CLASP1: variants seen among roughly 807,000 people sequenced by gnomAD.
The protein encoded by CLASP1 is CLIP-associating protein 1.
In CLASP1, 38 loss-of-function variants were observed where a neutral mutation model predicts 192.3. The observed-to-expected ratio is 0.20, with a 90% CI of 0.15 to 0.26. CLASP1 has a LOEUF of 0.26. Among genes scored for constraint, CLASP1 ranks in the 10% least tolerant of loss-of-function variants. The probability of loss-of-function intolerance (pLI) is 1.00; values close to 1 mark genes in which losing one functional copy is unlikely to be tolerated. For missense variants in CLASP1, 1,433 were observed against 1,932.5 expected (o/e 0.74, Z 4.85); for synonymous variants, 691 against 712.8 (o/e 0.97, Z 0.49).
intron 30 of CLASP1, among the ~76,000 whole-genome samples, chr2:121,396,346 G>A (rs530489299): frequency 6.6e-6 from 1 of 152,308 alleles, no homozygotes; most frequent in East Asian, 1.9e-4. Context: ...CTGAAAACAA[G>A]TGTTGAAGCT....
At chr2:121,345,401 T>C (rs1363231031) in intron 39 of CLASP1, among the ~76,000 whole-genome samples, 2 of 152,196 alleles carry the variant, frequency 1.3e-5, no homozygotes, top group Non-Finnish European at 2.9e-5. Flanking sequence ...AATGAGTTGA[T>C]GGGACAACTC....
exon 40 of CLASP1, chr2:121,339,131 C>CACA (rs1330342670): frequency 1.2e-3 from 179 of 143,660 alleles, no homozygotes; most frequent in African/African-American, 4.1e-3. Context: ...ACACACAACA[C>CACA]CACACACACA....
intron 8 of CLASP1, among the ~76,000 whole-genome samples, chr2:121,494,669 T>C (rs2093453603): frequency 6.6e-6 from 1 of 152,210 alleles, no homozygotes; most frequent in African/African-American, 2.4e-5. Flanking sequence ...TTGATGTGAC[T>C]GTTATGCAAA....
chr2:121,400,665 T>C (rs2076033634), intron 28 of CLASP1, among the ~76,000 whole-genome samples: 1 of 152,236 alleles, frequency 6.6e-6, no homozygotes, highest in African/African-American at 2.4e-5. Context: ...ACTGTCTGTT[T>C]CTCACTGATA....
chr2:121,488,711 A>G (rs1174574798), intron 8 of CLASP1, among the ~76,000 whole-genome samples: 1 of 152,152 alleles, frequency 6.6e-6, no homozygotes, highest in Non-Finnish European at 1.5e-5. Flanking sequence ...ACACTAAAGT[A>G]CTCTACACAC....
At chr2:121,615,314 G>T (rs960124996) in intron 1 of CLASP1, among the ~76,000 whole-genome samples, 1 of 152,006 alleles carries the variant, frequency 6.6e-6, no homozygotes, top group African/African-American at 2.4e-5. Context: ...ACTCCAGCTT[G>T]CGCGTCAGGA....
At chr2:121,553,336 C>A (rs1329391735) in intron 2 of CLASP1, among the ~76,000 whole-genome samples, 3 of 151,930 alleles carry the variant, frequency 2.0e-5, no homozygotes, top group Admixed American at 6.6e-5. Flanking sequence ...TACCCTGGAA[C>A]CTAAAATAAA....
chr2:121,441,421 T>C (rs2083319476), intron 19 of CLASP1, among the ~76,000 whole-genome samples: 1 of 152,130 alleles, frequency 6.6e-6, no homozygotes, highest in Non-Finnish European at 1.5e-5. Flanking sequence ...CCTACAACTA[T>C]TCTCCCCAAA....
intron 26 of CLASP1, chr2:121,403,381 G>A (rs1184543554): frequency 2.2e-6 from 1 of 456,574 alleles, no homozygotes; most frequent in East Asian, 7.0e-5. Flanking sequence ...TGGGTGGATG[G>A]ATGTTTGATA....
At chr2:121,633,303 A>C (rs1478506378) in intron 1 of CLASP1, among the ~76,000 whole-genome samples, 1 of 152,150 alleles carries the variant, frequency 6.6e-6, no homozygotes, top group Non-Finnish European at 1.5e-5. Flanking sequence ...TATCCCCCAG[A>C]TACCTTCTTA....
chr2:121,388,158 C>T, intron 30 of CLASP1: 1 of 322,862 alleles, frequency 3.1e-6, no homozygotes, highest in East Asian at 6.1e-5. Flanking sequence ...TAATAAATTC[C>T]TAGAACTTTT....
chr2:121,480,630 T>A (rs2092517056), intron 8 of CLASP1, among the ~76,000 whole-genome samples: 1 of 152,150 alleles, frequency 6.6e-6, no homozygotes, highest in African/African-American at 2.4e-5. Flanking sequence ...AGGCTTCTGT[T>A]TCCCTGTGTG....
At chr2:121,511,150 GT>G (rs1453956584) in intron 7 of CLASP1, among the ~76,000 whole-genome samples, 1 of 152,178 alleles carries the variant, frequency 6.6e-6, no homozygotes, top group East Asian at 1.9e-4. Flanking sequence ...TAAGAAAAAG[GT>G]AATCATAGTT....
intron 2 of CLASP1, among the ~76,000 whole-genome samples, chr2:121,578,372 T>C (rs937397009): frequency 7.4e-6 from 1 of 134,492 alleles, no homozygotes; most frequent in Non-Finnish European, 1.5e-5. Flanking sequence ...TAGTGAGATA[T>C]GATTACACCA....
intron 6 of CLASP1, among the ~76,000 whole-genome samples, chr2:121,517,396 T>A (rs114341762): frequency 0.013 from 2,054 of 152,316 alleles, 43 homozygotes; most frequent in African/African-American, 0.04. Context: ...CAGTGTTACA[T>A]GACAGGTAAC....
At chr2:121,449,859 C>T (rs1416143319) in intron 16 of CLASP1, among the ~76,000 whole-genome samples, 3 of 151,996 alleles carry the variant, frequency 2.0e-5, no homozygotes, top group Admixed American at 6.5e-5. Flanking sequence ...TAAGTAAAAC[C>T]GTAACGTTGC....
At chr2:121,632,416 C>A (rs968966344) in intron 1 of CLASP1, among the ~76,000 whole-genome samples, 11 of 151,884 alleles carry the variant, frequency 7.2e-5, no homozygotes, top group African/African-American at 2.2e-4. Context: ...TAGAATTATT[C>A]TTTGCAGCAT....
intron 34 of CLASP1, among the ~76,000 whole-genome samples, chr2:121,370,809 T>C (rs1015438486): frequency 6.6e-6 from 1 of 152,220 alleles, no homozygotes; most frequent in Non-Finnish European, 1.5e-5. Context: ...TTCCCAGGCC[T>C]TGCCCTCTTT....
chr2:121,584,450 C>T (rs1469230744), intron 2 of CLASP1, among the ~76,000 whole-genome samples: 1 of 152,122 alleles, frequency 6.6e-6, no homozygotes, highest in East Asian at 1.9e-4. Flanking sequence ...CTTACTCCAG[C>T]CTGGGTGAGA....
Sources: gnomAD v4.1 joint callset for allele counts (sites outside exome capture counted in the v4.1 genomes callset) on GRCh38, gnomAD v4.1.1 for gene constraint, MANE v1.5 for transcripts, NCBI Gene and HGNC (gene_info 2026-07-23, HGNC 2026-07-21) for gene names.